The following KIF21A variants were observed in gnomAD, a reference collection of about 807,000 sequenced individuals.
The protein encoded by KIF21A is kinesin-like protein KIF21A.
KIF21A carries 114 observed loss-of-function variants against 202.9 expected under a neutral mutation model. The ratio of observed to expected loss-of-function variants is 0.56; its 90% CI spans 0.48 to 0.66. The LOEUF (loss-of-function observed/expected upper bound fraction) is 0.66. KIF21A is among the 30% of genes least tolerant of loss of function. The pLI, the probability that KIF21A is intolerant of heterozygous loss-of-function variation, is 0.00. For missense variants in KIF21A, 1,677 were observed against 1,994.9 expected (o/e 0.84, Z 3.04); for synonymous variants, 667 against 670.8 (o/e 0.99, Z 0.09).
intron 1 of KIF21A, among the ~76,000 whole-genome samples, chr12:39,373,560 T>C (rs547262388): frequency 6.6e-6 from 1 of 152,128 alleles, no homozygotes; most frequent in African/African-American, 2.4e-5. Context: ...ATAATAAAGA[T>C]AAAAATAATA....
rs200140335 is a variant in KIF21A, at chr12:39,370,200, G to A, written c.106C>T (p.Pro36Ser). ...EGCHICTSVT[P>S]GEPQVFLGKD... ...CCTAGGAAGACCTGAGGCTCTCCTGGTGTGACAGATGTACAAATATGGCAT... is the reference window on the plus strand; with the variant it reads ...CCTAGGAAGACCTGAGGCTCTCCTGATGTGACAGATGTACAAATATGGCAT... The change falls in exon 2 of 38, where the codon CCA becomes TCA. Residue 36 changes from proline (P) to serine (S), a missense_variant. By Grantham distance (74) the Pro-to-Ser change is moderately conservative. Transcript: ENST00000361418. The A allele has an allele frequency of 8.1e-5, 130 of 1,613,500 alleles. No individual in the cohort carries two copies. Among genetic ancestry groups the A allele is most frequent in the Middle Eastern group, 1.6e-4 (1 of 6,082 alleles).
At chr12:39,310,484 C>G (rs1257359218) in intron 32 of KIF21A, among the ~76,000 whole-genome samples, 1 of 152,012 alleles carries the variant, frequency 6.6e-6, no homozygotes, top group Non-Finnish European at 1.5e-5. Flanking sequence ...TAAAAACTTT[C>G]ACTAGCTCCC....
intron 7 of KIF21A, among the ~76,000 whole-genome samples, chr12:39,362,607 A>G (rs527727282): frequency 7.2e-5 from 11 of 152,288 alleles, no homozygotes; most frequent in African/African-American, 2.2e-4. Context: ...TATTTCATTC[A>G]GTGGACATTA....
intron 33 of KIF21A, among the ~76,000 whole-genome samples, chr12:39,308,759 C>T (rs1243246033): frequency 1.3e-5 from 2 of 151,958 alleles, no homozygotes; most frequent in Admixed American, 6.6e-5. Context: ...TAAATTCTAA[C>T]ATAAGATATA....
At chr12:39,357,510 T>C (rs1948867324) in intron 8 of KIF21A, 73 bp from the exon 9 acceptor site, 3 of 1,260,082 alleles carry the variant, frequency 2.4e-6, no homozygotes, top group Non-Finnish European at 3.5e-6. Flanking sequence ...AAGAATACTC[T>C]ATAACTATAC....
In KIF21A at chr12:39,341,607, C is replaced by T; in HGVS notation, c.1819G>A (p.Val607Met). 1 of 1,609,618 alleles carries T rather than the reference C, an allele frequency of 6.2e-7. No individual in the cohort carries two copies. Among genetic ancestry groups the T allele is most frequent in the East Asian group, 2.2e-5 (1 of 44,756 alleles). ...NELEVEESQE[V>M]SDHEDEEEEE... Reference sequence around the variant, plus strand: ...TCTTCTTCATCCTCATGATCACTCACTTCTTGACTTTCTTCCTAAAATGTG... The same window carrying T: ...TCTTCTTCATCCTCATGATCACTCATTTCTTGACTTTCTTCCTAAAATGTG... The change falls in exon 14 of 38, where the codon GTG becomes ATG. Residue 607 changes from valine to methionine, a missense_variant. By Grantham distance (21) the Val-to-Met change is conservative (BLOSUM62 1). Around this residue, in one of 3 missense-constraint regions of KIF21A, gnomAD observed 966 missense variants for 1,180.9 expected, o/e 0.82. Transcript: ENST00000361418.
At chr12:39,410,619 T>C (rs12227642) in intron 1 of KIF21A, among the ~76,000 whole-genome samples, 10,340 of 152,240 alleles carry the variant, frequency 0.068, 536 homozygotes, top group South Asian at 0.28. Flanking sequence ...ACAACCACTG[T>C]AGAACACACA....
chr12:39,436,448 A>ATTT lies in KIF21A; in HGVS notation c.44+6476_44+6478dup, dbSNP rs1160949360. On this transcript the variant is annotated intron_variant, in intron 1 of 37. Transcript: ENST00000361418. ...TATATATATATATATATATATATAT[A>ATTT]TTTTTTTTTTTTTTAGACAGGGTTT... Among the ~76,000 whole-genome samples, 43 of 95,756 alleles carry ATTT rather than the reference A, an allele frequency of 4.5e-4. 1 individual carries two copies. The highest frequency in any genetic ancestry group is 1.8e-3 in the African/African-American group (35 of 19,758). The allele number at this position is 95,756 out of a possible 152,430, so 62.8% of individuals were successfully genotyped here.
rs1946568163 is a variant in KIF21A, at chr12:39,332,222, C to T, written c.3043G>A (p.Glu1015Lys). ...DCQANIMQMEEAKEEGETLDV... is the reference protein window; with the variant it reads ...DCQANIMQMEKAKEEGETLDV... ...TTTTAAAAATTACAAACCTTTGCTT[C>T]TTCCATCTGCATTATGTTGGCCTGA... is the stretch of plus-strand genomic sequence containing the variant. The change falls in exon 21 of 38, where the codon GAA becomes AAA. Residue 1015 changes from glutamate to lysine, a missense_variant. Around this residue, in one of 3 missense-constraint regions of KIF21A, gnomAD observed 705 missense variants for 791.9 expected, o/e 0.89. Coordinates refer to ENST00000361418, the MANE Select transcript of KIF21A (RefSeq NM_001173464.2). 2.5e-6 allele frequency: 4 copies of T among 1,613,458 alleles called. No individual in the cohort carries two copies. The highest frequency in any genetic ancestry group is 1.3e-5 in the African/African-American group (1 of 74,888).
At chr12:39,402,878 T>C (rs1019040002) in intron 1 of KIF21A, among the ~76,000 whole-genome samples, 2 of 152,108 alleles carry the variant, frequency 1.3e-5, no homozygotes, top group African/African-American at 2.4e-5. Flanking sequence ...TTATATTTAG[T>C]TAAAAAAAAA....
chr12:39,358,067 A>G (rs2138868271), intron 8 of KIF21A, 111 bp downstream of exon 8: 1 of 941,854 alleles, frequency 1.1e-6, no homozygotes, highest in South Asian at 1.4e-5. Flanking sequence ...GGAGGACACT[A>G]TTATGACAAC....
At chr12:39,368,828 A>C (rs1170911399) in intron 3 of KIF21A, among the ~76,000 whole-genome samples, 2 of 152,068 alleles carry the variant, frequency 1.3e-5, no homozygotes, top group African/African-American at 4.8e-5. Context: ...TAGCTCATGG[A>C]TCAGGTAATT....
At chr12:39,335,530 GGTGA>G (rs1946892245) in intron 17 of KIF21A, among the ~76,000 whole-genome samples, 1 of 152,098 alleles carries the variant, frequency 6.6e-6, no homozygotes, top group East Asian at 1.9e-4. Flanking sequence ...CCGGGGCAAT[GGTGA>G]GTGACTACCA....
At chr12:39,394,084 C>T (rs913887345) in intron 1 of KIF21A, among the ~76,000 whole-genome samples, 2 of 152,162 alleles carry the variant, frequency 1.3e-5, no homozygotes, top group African/African-American at 4.8e-5. Context: ...TCCATTAGTC[C>T]TCCTCATTTT....
At chr12:39,313,140 A>G (rs968798311) in intron 31 of KIF21A, among the ~76,000 whole-genome samples, 1 of 151,884 alleles carries the variant, frequency 6.6e-6, no homozygotes, top group Non-Finnish European at 1.5e-5. Flanking sequence ...TTAAATCATT[A>G]TATCATAGGG....
intron 8 of KIF21A, 89 bp from the exon 9 acceptor site, chr12:39,357,526 T>G: frequency 8.7e-7 from 1 of 1,148,540 alleles, no homozygotes; most frequent in African/African-American, 1.5e-5. Context: ...TATACAATTC[T>G]CTAACCAAGA....
At chr12:39,403,355 A>G (rs990987524) in intron 1 of KIF21A, among the ~76,000 whole-genome samples, 1 of 152,250 alleles carries the variant, frequency 6.6e-6, no homozygotes, top group Non-Finnish European at 1.5e-5. Flanking sequence ...CTAAGTTTTT[A>G]ATTAGAAAAA....
At chr12:39,331,120 G>A (rs1022894801) in intron 22 of KIF21A, among the ~76,000 whole-genome samples, 11 of 151,832 alleles carry the variant, frequency 7.2e-5, no homozygotes, top group Admixed American at 2.6e-4. Context: ...TTCCTCATAT[G>A]CAAAATGAGA....
At position 39,303,145 on chromosome 12, in the gene KIF21A, T is replaced by TA; in HGVS notation, c.4561-11dup. ...CTGTAACATCAAACATCTAAAAAGGTAGAAACAAAGCAGTTATCCTATTTA... is the reference window on the plus strand; with the variant it reads ...CTGTAACATCAAACATCTAAAAAGGTAAGAAACAAAGCAGTTATCCTATTTA... On this transcript the variant is annotated splice_polypyrimidine_tract_variant and intron_variant, in intron 35 of 37. Transcript: ENST00000361418. 6.2e-7 allele frequency: 1 copy of TA among 1,613,558 alleles called. No homozygotes were observed. Among genetic ancestry groups the TA allele is most frequent in the South Asian group, 1.1e-5 (1 of 91,068 alleles).
Sources: allele counts gnomAD v4.1 joint callset (sites outside exome capture counted in the v4.1 genomes callset), GRCh38; gene constraint gnomAD v4.1.1; regional missense constraint gnomAD v4.1.1; transcripts MANE v1.5; gene names NCBI Gene and HGNC (gene_info 2026-07-23, HGNC 2026-07-21).